The following SCGB2B2 variants were observed in gnomAD, a reference collection of about 807,000 sequenced individuals.
SCGB2B2 encodes the protein secretoglobin-like protein.
In SCGB2B2, 11 loss-of-function variants were observed where a neutral mutation model predicts 7.6. The observed-to-expected ratio is 1.45, with a 90% confidence interval of 0.91 to 2.40. The LOEUF (loss-of-function observed/expected upper bound fraction) is 2.40, where lower values mean the gene tolerates loss of function less well. Ranked by LOEUF, SCGB2B2 falls within the 30% of genes most tolerant of loss-of-function variation. The pLI is 0.00. For missense variants in SCGB2B2, 104 were observed against 115.4 expected, an observed-to-expected ratio of 0.90 and a Z score of 0.45; for synonymous variants, 50 against 48.6, an observed-to-expected ratio of 1.03 and a Z score of -0.12.
At chr19:34,616,311 T>C (rs1042283864) in intron 1 of SCGB2B2, among the ~76,000 whole-genome samples, 7 of 148,278 alleles carry the variant, frequency 4.7e-5, no homozygotes, top group South Asian at 2.2e-4. Context: ...ACCGACAGGG[T>C]AAAAGTGTTC....
At chr19:34,609,713 A>T (rs1019408432) in intron 1 of SCGB2B2, among the ~76,000 whole-genome samples, 1 of 151,998 alleles carries the variant, frequency 6.6e-6, no homozygotes, top group African/African-American at 2.4e-5. Flanking sequence ...ACTATTTTTT[A>T]AAAAACTATA....
intron 1 of SCGB2B2, among the ~76,000 whole-genome samples, chr19:34,619,481 T>A (rs546816832): frequency 1.3e-5 from 2 of 152,210 alleles, no homozygotes; most frequent in South Asian, 4.1e-4. Context: ...GATGGTAACC[T>A]TGGATGCATG....
Position 34,594,666 on chromosome 19 carries a change from TGTGTGTGTGTGTGTG to T in SCGB2B2, c.-118_-104del. The T allele has an allele frequency of 2.4e-6, 1 of 414,096 alleles. No homozygotes were observed. 25.7% of individuals were successfully genotyped at this position (414,096 alleles called of 1,614,324 possible). On this transcript the variant is annotated 5_prime_UTR_variant, in exon 2 of 4. Coordinates refer to ENST00000601241, the MANE Select transcript of SCGB2B2 (RefSeq NM_001025591.4). ...ACATGCCTCTTCGTGTGTGTGTGTG[TGTGTGTGTGTGTGTG>T]TGTGTGTGTGTGTGTGTGTGTGAAT...
At chr19:34,597,224 C>T (rs902824620) in intron 1 of SCGB2B2, among the ~76,000 whole-genome samples, 3 of 152,084 alleles carry the variant, frequency 2.0e-5, no homozygotes, top group African/African-American at 4.8e-5. Context: ...TGCATCCATC[C>T]CACCCACCAC....
intron 1 of SCGB2B2, among the ~76,000 whole-genome samples, chr19:34,601,980 A>G (rs2065637425): frequency 6.6e-6 from 1 of 152,198 alleles, no homozygotes; most frequent in South Asian, 2.1e-4. Context: ...GAAAAGCTAC[A>G]AAAATTTTAA....
rs557236891 is a variant in SCGB2B2, at chr19:34,628,512, T to G, written c.-2031-31918A>C. 1.1e-3 allele frequency among the ~76,000 whole-genome samples: 174 copies of G among 151,866 alleles called. 5 individuals carry two copies. Among genetic ancestry groups the G allele is most frequent in the Non-Finnish European group, 2.1e-3 (144 of 67,886 alleles). On this transcript the variant is annotated intron_variant, in intron 1 of 3. Transcript: ENST00000601241. ...CACCTCTACACAATAAACTAGCAAATCTAGAAGAAATGGATAAATTCCTGG... is the reference window on the plus strand; with the variant it reads ...CACCTCTACACAATAAACTAGCAAAGCTAGAAGAAATGGATAAATTCCTGG...
At chr19:34,598,468 G>A (rs868100906) in intron 1 of SCGB2B2, among the ~76,000 whole-genome samples, 43 of 151,216 alleles carry the variant, frequency 2.8e-4, no homozygotes, top group African/African-American at 1.0e-3. Flanking sequence ...CACTAGAGGG[G>A]ACTCTAATCC....
downstream of SCGB2B2, among the ~76,000 whole-genome samples, chr19:34,590,524 C>T (rs569857876): frequency 5.3e-5 from 8 of 152,338 alleles, no homozygotes; most frequent in East Asian, 1.5e-3. Flanking sequence ...GACAGCACTT[C>T]CTACATTTGG....
intron 1 of SCGB2B2, among the ~76,000 whole-genome samples, chr19:34,660,330 C>T (rs2067417198): frequency 6.6e-6 from 1 of 152,146 alleles, no homozygotes; most frequent in Non-Finnish European, 1.5e-5. Context: ...AAGAAACTAT[C>T]ATCAGAGTGA....
At chr19:34,598,555 T>C (rs1345807994) in intron 1 of SCGB2B2, among the ~76,000 whole-genome samples, 1 of 152,084 alleles carries the variant, frequency 6.6e-6, no homozygotes, top group African/African-American at 2.4e-5. Context: ...TGGTGGGGTC[T>C]GGACCCAGGG....
intron 1 of SCGB2B2, chr19:34,637,826 T>A (rs1485728283): frequency 1.3e-5 from 2 of 152,318 alleles, no homozygotes; most frequent in East Asian, 3.9e-4. Context: ...GATGGGCTAT[T>A]TAAAAATTGA....
chr19:34,641,531 C>T (rs895425478), intron 1 of SCGB2B2, among the ~76,000 whole-genome samples: 2 of 152,160 alleles, frequency 1.3e-5, no homozygotes, highest in African/African-American at 2.4e-5. Context: ...CTTGAGTCCT[C>T]GTGGAGCTGG....
At chr19:34,604,358 G>GTGA in intron 1 of SCGB2B2, among the ~76,000 whole-genome samples, 1 of 152,276 alleles carries the variant, frequency 6.6e-6, no homozygotes, top group Middle Eastern at 3.4e-3. Flanking sequence ...TCCTTAGTAA[G>GTGA]TGATGGTTCT....
chr19:34,662,416 C>T (rs752922124), intron 1 of SCGB2B2, among the ~76,000 whole-genome samples: 3 of 151,826 alleles, frequency 2.0e-5, no homozygotes, highest in African/African-American at 7.3e-5. Flanking sequence ...AGAAGAATAT[C>T]TTTATGACCA....
chr19:34,643,830 T>C (rs1441685824), intron 1 of SCGB2B2, among the ~76,000 whole-genome samples: 2 of 151,824 alleles, frequency 1.3e-5, no homozygotes, highest in South Asian at 2.1e-4. Context: ...AGGAGAAAAA[T>C]TGGTAGAACA....
At chr19:34,620,598 T>C (rs1237537230) in intron 1 of SCGB2B2, among the ~76,000 whole-genome samples, 11 of 152,084 alleles carry the variant, frequency 7.2e-5, no homozygotes, top group Non-Finnish European at 1.2e-4. Context: ...CACACCAACA[T>C]GGAACATGTA....
At chr19:34,642,748 A>G (rs1331627993) in intron 1 of SCGB2B2, among the ~76,000 whole-genome samples, 1 of 141,208 alleles carries the variant, frequency 7.1e-6, no homozygotes, top group East Asian at 2.1e-4. Flanking sequence ...AAGTGGGCAA[A>G]GGACATGAAC....
At chr19:34,589,803 T>G (rs138182353), downstream of SCGB2B2, among the ~76,000 whole-genome samples, 1 of 152,224 alleles carries the variant, frequency 6.6e-6, no homozygotes, top group East Asian at 1.9e-4. Flanking sequence ...TCCAATGACC[T>G]GCACAGGGCC....
chr19:34,657,813 G>A (rs560312662), intron 1 of SCGB2B2, among the ~76,000 whole-genome samples: 39 of 152,052 alleles, frequency 2.6e-4, no homozygotes, highest in Non-Finnish European at 4.6e-4. Flanking sequence ...GCACCACATC[G>A]CACTTATTCT....
Sources: gnomAD v4.1 joint callset for allele counts (sites outside exome capture counted in the v4.1 genomes callset) on GRCh38, gnomAD v4.1.1 for gene constraint, MANE v1.5 for transcripts, NCBI Gene and HGNC (gene_info 2026-07-23, HGNC 2026-07-21) for gene names.